Variants in GC observed in about 807,000 individuals in gnomAD.
GC encodes the protein GC vitamin D binding protein.
A neutral mutation model predicts 56.7 loss-of-function variants in GC; 43 were observed. That is an observed-to-expected ratio of 0.76 (90% CI 0.59 to 0.98). The LOEUF is 0.98. Ranked by LOEUF, GC falls within the 50% of genes least tolerant of loss-of-function variation. The pLI is 0.00. For synonymous variants in GC, 216 were observed against 202.7 expected, an observed-to-expected ratio of 1.07 and a Z score of -0.56; for missense variants, 529 against 545.9, an observed-to-expected ratio of 0.97 and a Z score of 0.31.
intron 1 of GC, among the ~76,000 whole-genome samples, chr4:71,777,288 G>A (rs1742536411): frequency 1.3e-5 from 2 of 151,648 alleles, no homozygotes; most frequent in South Asian, 4.1e-4. Flanking sequence ...TCACTATCAA[G>A]TACTCAATGC....
intron 1 of GC, among the ~76,000 whole-genome samples, chr4:71,796,874 T>C (rs1743118582): frequency 6.6e-6 from 1 of 152,198 alleles, no homozygotes; most frequent in South Asian, 2.1e-4. Context: ...TTTGTTGATG[T>C]TGATGCTATT....
At chr4:71,782,265 C>A (rs1742706024) in intron 1 of GC, among the ~76,000 whole-genome samples, 1 of 151,732 alleles carries the variant, frequency 6.6e-6, no homozygotes, top group African/African-American at 2.4e-5. Context: ...CCTAAGAGTT[C>A]TCAGAACTCC....
intron 1 of GC, among the ~76,000 whole-genome samples, chr4:71,797,656 C>T (rs1743140136): frequency 6.6e-6 from 1 of 152,238 alleles, no homozygotes; most frequent in African/African-American, 2.4e-5. Flanking sequence ...CCTGCTTTGG[C>T]TCGCCCTCCA....
chr4:71,795,588 G>A (rs922271467), intron 1 of GC, among the ~76,000 whole-genome samples: 4 of 152,192 alleles, frequency 2.6e-5, no homozygotes, highest in African/African-American at 9.7e-5. Context: ...ACAGCACACT[G>A]ATGGGTCTTG....
intron 1 of GC, among the ~76,000 whole-genome samples, chr4:71,789,787 CA>C (rs1742926704): frequency 6.6e-6 from 1 of 151,838 alleles, no homozygotes; most frequent in Admixed American, 6.6e-5. Context: ...AATGTTATCA[CA>C]AAGGTCCTTT....
In GC at chr4:71,765,468, T is replaced by C. The variant is rs557587112; in HGVS notation, c.437A>G (p.Glu146Gly). 2.5e-6 allele frequency: 4 copies of C among 1,613,980 alleles called. No homozygotes were observed. The South Asian group carries it at 4.4e-5, about 18-fold the overall frequency. Residue 146 changes from glutamate to glycine, a missense_variant, in exon 4 of 13, where the codon GAG becomes GGG. Physicochemically the swap from Glu to Gly is moderately conservative, Grantham distance 98. Transcript: ENST00000273951. ...TTCCTTTGGATCTTTCCTGAACGCC[T>C]CACAGATTTCATCATTTGTGGGTTC... ...YVEPTNDEIC[E>G]AFRKDPKEYA... is the part of the protein sequence containing the mutation.
intron 2 of GC, 41 bp from the exon 3 acceptor site, chr4:71,768,474 G>T (rs1198805824): frequency 9.6e-6 from 15 of 1,565,792 alleles, no homozygotes; most frequent in African/African-American, 1.4e-5. Flanking sequence ...AGAACTGAAA[G>T]GTTTTTTTTT....
chr4:71,743,335 A>T (rs767271894), intron 12 of GC, among the ~76,000 whole-genome samples: 1 of 152,190 alleles, frequency 6.6e-6, no homozygotes, highest in Non-Finnish European at 1.5e-5. Context: ...CTTCACTCTA[A>T]ACAATGTGCC....
intron 8 of GC, 97 bp from the exon 9 acceptor site, chr4:71,755,204 C>G: frequency 4.7e-6 from 2 of 427,400 alleles, no homozygotes; most frequent in Non-Finnish European, 6.9e-6. Flanking sequence ...CCTCTGTCAC[C>G]CAGGTTGGAG....
chr4:71,800,249 AG>A (rs1439490864), intron 1 of GC, among the ~76,000 whole-genome samples: 1 of 152,022 alleles, frequency 6.6e-6, no homozygotes, highest in Non-Finnish European at 1.5e-5. Flanking sequence ...CCTCCCTGGC[AG>A]GCCCCGGTGT....
intron 1 of GC, among the ~76,000 whole-genome samples, chr4:71,800,552 A>G (rs1743224283): frequency 6.6e-6 from 1 of 152,102 alleles, no homozygotes; most frequent in Non-Finnish European, 1.5e-5. Context: ...ACGTGTGCAT[A>G]TATCTTTATA....
chr4:71,794,623 A>AT (rs563582507), intron 1 of GC, among the ~76,000 whole-genome samples: 4 of 151,892 alleles, frequency 2.6e-5, no homozygotes, highest in South Asian at 2.1e-4. Flanking sequence ...GGATCCATTG[A>AT]TTTTTTGAAG....
chr4:71,774,940 T>G (rs1373245611), intron 1 of GC, among the ~76,000 whole-genome samples: 1 of 151,892 alleles, frequency 6.6e-6, no homozygotes, highest in African/African-American at 2.4e-5. Context: ...TATCGAAAGA[T>G]TCATTATTAT....
chr4:71,792,726 G>C (rs188783868), intron 1 of GC, among the ~76,000 whole-genome samples: 2 of 152,132 alleles, frequency 1.3e-5, no homozygotes, highest in Non-Finnish European at 2.9e-5. Flanking sequence ...TAGTCATAAA[G>C]TCCTTGCCCA....
intron 1 of GC, among the ~76,000 whole-genome samples, chr4:71,790,593 T>C (rs1038066883): frequency 1.3e-5 from 2 of 151,844 alleles, no homozygotes; most frequent in South Asian, 4.1e-4. Context: ...TTTCTGACTC[T>C]TTTGTCTCAG....
At chr4:71,782,892 T>C (rs1742727805) in intron 1 of GC, among the ~76,000 whole-genome samples, 1 of 151,750 alleles carries the variant, frequency 6.6e-6, no homozygotes, top group South Asian at 2.1e-4. Context: ...TGCTTTTTTA[T>C]ACCCTATGCT....
upstream of GC, among the ~76,000 whole-genome samples, chr4:71,785,043 T>C (rs1742800486): frequency 6.6e-6 from 1 of 151,760 alleles, no homozygotes; most frequent in Non-Finnish European, 1.5e-5. Flanking sequence ...TTGTTACACA[T>C]GCTCTAAAAT....
chr4:71,776,138 A>G (rs1742502488), intron 1 of GC, among the ~76,000 whole-genome samples: 1 of 152,016 alleles, frequency 6.6e-6, no homozygotes, highest in African/African-American at 2.4e-5. Flanking sequence ...TGATTTAACA[A>G]TACCACTTCT....
upstream of GC, among the ~76,000 whole-genome samples, chr4:71,786,263 A>T (rs1306587646): frequency 1.3e-5 from 2 of 151,718 alleles, no homozygotes; most frequent in African/African-American, 4.8e-5. Context: ...AGTCTTATTT[A>T]TGTAACTTTC....
Sources: allele counts gnomAD v4.1 joint callset (sites outside exome capture counted in the v4.1 genomes callset), GRCh38; gene constraint gnomAD v4.1.1; transcripts MANE v1.5; gene names NCBI Gene and HGNC (gene_info 2026-07-23, HGNC 2026-07-21).